SRRM3: variants seen among roughly 807,000 people sequenced by gnomAD.
SRRM3 encodes the protein serine/arginine repetitive matrix protein 3.
In SRRM3, 27 loss-of-function variants were observed where a neutral mutation model predicts 66.2. That is an observed-to-expected ratio of 0.41 (90% CI 0.30 to 0.56). The LOEUF (loss-of-function observed/expected upper bound fraction) is 0.56, where lower values mean the gene tolerates loss of function less well. Ranked by LOEUF, SRRM3 falls within the 20% of genes least tolerant of loss-of-function variation. SRRM3 has a pLI of 0.32. For synonymous variants in SRRM3, 391 were observed against 414.9 expected (o/e 0.94, Z 0.70); for missense variants, 918 against 991.9 (o/e 0.93, Z 1.00).
intron 11 of SRRM3, among the ~76,000 whole-genome samples, chr7:76,277,590 C>T (rs903093512): frequency 3.3e-5 from 5 of 151,830 alleles, no homozygotes; most frequent in Non-Finnish European, 7.4e-5. Context: ...CTTAGCTACT[C>T]AGGAGGCTGA....
At chr7:76,248,498 G>T (rs1801496579) in intron 3 of SRRM3, among the ~76,000 whole-genome samples, 1 of 152,068 alleles carries the variant, frequency 6.6e-6, no homozygotes, top group Non-Finnish European at 1.5e-5. Context: ...CATCACCAAG[G>T]GCCTCCTCCT....
intron 2 of SRRM3, among the ~76,000 whole-genome samples, chr7:76,242,479 C>T (rs1434201448): frequency 1.4e-5 from 2 of 145,590 alleles, no homozygotes; most frequent in African/African-American, 2.7e-5. Context: ...GAATGAAACT[C>T]TGTTTCCCAA....
rs1462648587 is a variant in SRRM3, at chr7:76,282,674, G to C, written c.1397G>C (p.Arg466Pro). The C allele has an allele frequency of 9.3e-6, 13 of 1,402,964 alleles. No individual in the cohort carries two copies. In the African/African-American group the frequency reaches 1.8e-4, roughly 20 times the overall value. 86.9% of individuals were successfully genotyped at this position (1,402,964 alleles called of 1,614,324 possible). Reference protein sequence around the residue: ...KRAKERPPRARPASTSPSPGA... With the variant: ...KRAKERPPRAPPASTSPSPGA... ...GCCAAGGAGCGGCCCCCGCGCGCGC[G>C]GCCCGCCAGCACCTCTCCGTCCCCG... The change falls in exon 13 of 15, where the codon CGG (arginine) becomes CCG (proline). Residue 466 changes from arginine to proline, a missense_variant. By Grantham distance (103) the Arg-to-Pro change is moderately radical. Coordinates refer to ENST00000611745, the MANE Select transcript of SRRM3 (RefSeq NM_001110199.3).
chr7:76,228,233 C>CT (rs1800928268), intron 1 of SRRM3, among the ~76,000 whole-genome samples: 1 of 152,086 alleles, frequency 6.6e-6, no homozygotes, highest in Admixed American at 6.6e-5. Context: ...AGACAAGACT[C>CT]TTTTTTGAAC....
At chr7:76,233,028 C>T (rs912803834) in intron 1 of SRRM3, among the ~76,000 whole-genome samples, 5 of 151,680 alleles carry the variant, frequency 3.3e-5, no homozygotes, top group African/African-American at 9.7e-5. Context: ...TGGGGCTGGG[C>T]GCGGTGGCTC....
intron 9 of SRRM3, among the ~76,000 whole-genome samples, 168 bp downstream of exon 9, chr7:76,264,983 GA>G (rs797033432): frequency 6.6e-5 from 10 of 152,246 alleles, no homozygotes; most frequent in African/African-American, 2.4e-4. Flanking sequence ...GTCAGAGCTT[GA>G]ACCAAAACCC....
chr7:76,274,174 C>T (rs1802281371), intron 11 of SRRM3, among the ~76,000 whole-genome samples: 2 of 152,276 alleles, frequency 1.3e-5, no homozygotes, highest in African/African-American at 4.8e-5. Flanking sequence ...TCCTGGCCTT[C>T]AGATCCTGGA....
chr7:76,262,691 C>T (rs1224324608), intron 8 of SRRM3, among the ~76,000 whole-genome samples: 5 of 152,008 alleles, frequency 3.3e-5, no homozygotes, highest in Admixed American at 6.6e-5. Context: ...TGGCGGGTGC[C>T]TGTAATCCCA....
intron 14 of SRRM3, chr7:76,283,834 G>A (rs1554612393): frequency 1.0e-6 from 1 of 985,286 alleles, no homozygotes; most frequent in African/African-American, 1.7e-5. Flanking sequence ...GGGTCTCCGG[G>A]TGACATTATG....
intron 3 of SRRM3, among the ~76,000 whole-genome samples, chr7:76,259,088 A>C (rs1554608167): frequency 6.6e-6 from 1 of 151,890 alleles, no homozygotes; most frequent in Admixed American, 6.6e-5. Context: ...TGAAAAAAAA[A>C]AGAAAGAAAA....
rs1255026385 is a variant in SRRM3, at chr7:76,237,443, C to T, written c.233+2144C>T. ...AAAATAAATTAGCCAGGCATGGTGA[C>T]GAGCGCCTGTAGTCCCAGCTACTCG... On this transcript the variant is annotated intron_variant, in intron 2 of 14. Transcript: ENST00000611745. Among the ~76,000 whole-genome samples the T allele has an allele frequency of 3.9e-5, 6 of 151,956 alleles. No homozygotes were observed. In the South Asian group the frequency reaches 6.2e-4, roughly 16 times the overall value.
At chr7:76,217,616 C>A (rs144569901) in intron 1 of SRRM3, among the ~76,000 whole-genome samples, 5 of 152,268 alleles carry the variant, frequency 3.3e-5, no homozygotes, top group African/African-American at 1.2e-4. Flanking sequence ...CAGCATAAAA[C>A]CTTCAGAAGT....
rs148064448 is a variant in SRRM3 at position 76,229,834 on chromosome 7, C to G, written c.-39-5194C>G. 8.3e-3 allele frequency among the ~76,000 whole-genome samples: 1,248 copies of G among 151,168 alleles called. 24 individuals carry two copies. The highest frequency in any genetic ancestry group is 0.028 in the African/African-American group (1,171 of 41,104). On this transcript the variant is annotated intron_variant, in intron 1 of 14. Transcript: ENST00000611745. Reference sequence around the variant, plus strand: ...TCTCGGCTCACTGCAATCTCTGCCTCCCAGGTTCAAGTGATTCTTCTGCCT... The same window carrying G: ...TCTCGGCTCACTGCAATCTCTGCCTGCCAGGTTCAAGTGATTCTTCTGCCT...
intron 11 of SRRM3, among the ~76,000 whole-genome samples, chr7:76,277,863 C>T (rs1290410645): frequency 6.6e-6 from 1 of 152,154 alleles, no homozygotes; most frequent in East Asian, 1.9e-4. Flanking sequence ...TGCACTGCCT[C>T]CCCTAACCAA....
chr7:76,259,961 C>T lies in SRRM3; in HGVS notation c.391C>T (p.Pro131Ser). 2 of 1,601,686 alleles carry T rather than the reference C, an allele frequency of 1.2e-6. No individual in the cohort carries two copies. The highest frequency in any genetic ancestry group is 1.7e-6 in the Non-Finnish European group (2 of 1,179,374). ...EGAEPGLEYA[P>S]FDDDDGPVDC... The stretch of plus-strand genomic sequence containing the variant: ...CGCTGAGCCGGGCCTGGAGTACGCG[C>T]CCTTTGACGATGACGACGGCCCAGT... The change falls in exon 4 of 15, where the codon CCC becomes TCC. Residue 131 changes from proline (P) to serine (S), a missense_variant. By Grantham distance (74) the Pro-to-Ser change is moderately conservative. Coordinates refer to ENST00000611745, the MANE Select transcript of SRRM3 (RefSeq NM_001110199.3).
chr7:76,271,900 C>T (rs555562591), intron 11 of SRRM3, among the ~76,000 whole-genome samples: 1 of 152,290 alleles, frequency 6.6e-6, no homozygotes, highest in Admixed American at 6.5e-5. Flanking sequence ...TGCAGGTGGC[C>T]CCCACATTAC....
intron 3 of SRRM3, among the ~76,000 whole-genome samples, chr7:76,250,910 C>T (rs1554606798): frequency 6.6e-6 from 1 of 152,134 alleles, no homozygotes; most frequent in African/African-American, 2.4e-5. Flanking sequence ...TCATCACTAC[C>T]CCCACCCAGG....
At chr7:76,261,296 T>TCCAGCC (rs1298436287) in intron 6 of SRRM3, 56 bp from the exon 7 acceptor site, 4 of 404,346 alleles carry the variant, frequency 9.9e-6, no homozygotes, top group African/African-American at 4.5e-5. Flanking sequence ...TCCAGCCATT[T>TCCAGCC]CCAGCCCCCC....
intron 1 of SRRM3, among the ~76,000 whole-genome samples, chr7:76,221,408 G>A (rs1800716985): frequency 7.2e-6 from 1 of 138,672 alleles, no homozygotes; most frequent in Non-Finnish European, 1.5e-5. Flanking sequence ...TGTCGCCCAG[G>A]CTGGAGTGCA....
Sources: allele counts gnomAD v4.1 joint callset (sites outside exome capture counted in the v4.1 genomes callset), GRCh38; gene constraint gnomAD v4.1.1; transcripts MANE v1.5; gene names NCBI Gene and HGNC (gene_info 2026-07-23, HGNC 2026-07-21).